The following SUMF1 variants were observed in gnomAD, a reference collection of about 807,000 sequenced individuals.
SUMF1 encodes formylglycine-generating enzyme.
SUMF1 carries 48 observed loss-of-function variants against 47.6 expected under a neutral mutation model. The ratio of observed to expected loss-of-function variants is 1.01; its 90% CI spans 0.80 to 1.28. The LOEUF is 1.28. Ranked by LOEUF, SUMF1 falls within the 50% of genes most tolerant of loss-of-function variation. The probability of loss-of-function intolerance (pLI) is 0.00; values close to 1 mark genes in which losing one functional copy is unlikely to be tolerated. For synonymous variants in SUMF1, 230 were observed against 192.1 expected (o/e 1.20, Z -1.63); for missense variants, 571 against 485.4 (o/e 1.18, Z -1.66).
intron 8 of SUMF1, among the ~76,000 whole-genome samples, chr3:4,315,055 TATAAC>T (rs1012593827): frequency 4.6e-5 from 7 of 152,190 alleles, no homozygotes; most frequent in African/African-American, 1.7e-4. Flanking sequence ...ATAATGTTCA[TATAAC>T]ATTACATGGA....
intron 8 of SUMF1, among the ~76,000 whole-genome samples, chr3:4,369,327 C>G (rs1700096383): frequency 6.6e-6 from 1 of 152,158 alleles, no homozygotes; most frequent in African/African-American, 2.4e-5. Flanking sequence ...ATGGCATCTC[C>G]TACTATGTGT....
intron 8 of SUMF1, among the ~76,000 whole-genome samples, chr3:4,169,217 T>G (rs1052053948): frequency 6.6e-6 from 1 of 152,180 alleles, no homozygotes; most frequent in African/African-American, 2.4e-5. Context: ...GCTTCCACCT[T>G]AATCACTATT....
At chr3:4,223,067 CAAG>C (rs1696101466) in intron 8 of SUMF1, among the ~76,000 whole-genome samples, 1 of 151,934 alleles carries the variant, frequency 6.6e-6, no homozygotes, top group Non-Finnish European at 1.5e-5. Flanking sequence ...AAGGAGACTG[CAAG>C]ATATTTATGA....
intron 8 of SUMF1, among the ~76,000 whole-genome samples, chr3:4,123,002 C>T (rs1003558412): frequency 3.9e-5 from 6 of 152,148 alleles, no homozygotes; most frequent in Non-Finnish European, 7.4e-5. Flanking sequence ...TCCTTAGTAC[C>T]AGGCATCGTT....
At chr3:4,203,749 A>T (rs1429734886) in intron 8 of SUMF1, among the ~76,000 whole-genome samples, 2 of 151,056 alleles carry the variant, frequency 1.3e-5, no homozygotes, top group Admixed American at 6.6e-5. Context: ...TTTTTAGTAT[A>T]TCTGTTGTAG....
intron 8 of SUMF1, among the ~76,000 whole-genome samples, chr3:4,146,415 A>T (rs2125101245): frequency 6.6e-6 from 1 of 152,036 alleles, no homozygotes; most frequent in African/African-American, 2.4e-5. Context: ...AGGGGGGGAA[A>T]GGTGAATGGA....
chr3:4,050,771 GA>G (rs953265367), intron 9 of SUMF1, among the ~76,000 whole-genome samples: 3 of 138,224 alleles, frequency 2.2e-5, no homozygotes, highest in South Asian at 2.3e-4. Flanking sequence ...AAAAAAGAAA[GA>G]AAAAAGAAAA....
intron 8 of SUMF1, among the ~76,000 whole-genome samples, chr3:4,279,450 A>G (rs1000803513): frequency 7.9e-5 from 12 of 152,198 alleles, no homozygotes; most frequent in Non-Finnish European, 1.3e-4. Context: ...AAAATAGTAT[A>G]AAGCCATGAA....
intron 8 of SUMF1, among the ~76,000 whole-genome samples, chr3:4,322,395 T>C (rs1006633959): frequency 1.1e-4 from 17 of 151,990 alleles, no homozygotes; most frequent in African/African-American, 4.1e-4. Context: ...ATGTTAGTAA[T>C]AGGGGAAACT....
downstream of SUMF1, among the ~76,000 whole-genome samples, chr3:4,359,352 A>G (rs1699691099): frequency 6.6e-6 from 1 of 151,968 alleles, no homozygotes; most frequent in South Asian, 2.1e-4. Context: ...ATCATAGTTC[A>G]CTGCAGCCTT....
intron 8 of SUMF1, among the ~76,000 whole-genome samples, chr3:4,275,468 T>C (rs1338121469): frequency 6.6e-6 from 1 of 152,132 alleles, no homozygotes; most frequent in South Asian, 2.1e-4. Flanking sequence ...TTCTGGTGCA[T>C]TCTTCATAAG....
intron 7 of SUMF1, among the ~76,000 whole-genome samples, chr3:4,405,732 G>A (rs561502280): frequency 6.6e-6 from 1 of 152,318 alleles, no homozygotes; most frequent in African/African-American, 2.4e-5. Context: ...GAGAAACAGA[G>A]GACACTTTCC....
intron 8 of SUMF1, among the ~76,000 whole-genome samples, chr3:4,286,569 A>C (rs185272779): frequency 1.1e-4 from 17 of 152,230 alleles, no homozygotes; most frequent in Non-Finnish European, 7.4e-5. Flanking sequence ...TTTAAATTTC[A>C]TTTTCATCAC....
At chr3:4,151,033 G>A (rs1488996576) in intron 8 of SUMF1, among the ~76,000 whole-genome samples, 4 of 151,372 alleles carry the variant, frequency 2.6e-5, no homozygotes, top group South Asian at 2.1e-4. Flanking sequence ...AGCCTGCTTC[G>A]TCACACTTCA....
chr3:4,285,713 C>T (rs999249665), intron 8 of SUMF1, among the ~76,000 whole-genome samples: 6 of 151,996 alleles, frequency 3.9e-5, no homozygotes, highest in Admixed American at 3.9e-4. Context: ...CCTCATAATG[C>T]CTCATATTTG....
chr3:4,059,096 T>G (rs1401432514), intron 9 of SUMF1, among the ~76,000 whole-genome samples: 2 of 152,114 alleles, frequency 1.3e-5, no homozygotes, highest in Admixed American at 6.6e-5. Flanking sequence ...ATAGTGAGCT[T>G]TCATGGGACA....
intron 8 of SUMF1, among the ~76,000 whole-genome samples, chr3:4,293,221 G>C (rs1697775410): frequency 6.6e-6 from 1 of 152,140 alleles, no homozygotes; most frequent in South Asian, 2.1e-4. Flanking sequence ...GGAAGTGGAA[G>C]AGTTACATAT....
chr3:4,146,991 C>T (rs945528212), intron 8 of SUMF1, among the ~76,000 whole-genome samples: 8 of 151,968 alleles, frequency 5.3e-5, no homozygotes, highest in African/African-American at 1.9e-4. Flanking sequence ...CAAACAACCC[C>T]ATCAAAAAGT....
intron 8 of SUMF1, among the ~76,000 whole-genome samples, chr3:4,280,584 G>A (rs757796426): frequency 1.8e-4 from 27 of 152,142 alleles, no homozygotes; most frequent in Non-Finnish European, 3.5e-4. Context: ...AAAGGTTTGC[G>A]TATCAGTTTC....
Sources: allele counts gnomAD v4.1 joint callset (sites outside exome capture counted in the v4.1 genomes callset), GRCh38; gene constraint gnomAD v4.1.1; transcripts MANE v1.5; gene names NCBI Gene and HGNC (gene_info 2026-07-23, HGNC 2026-07-21).